C8A: variants seen among roughly 807,000 people sequenced by gnomAD.
C8A encodes complement component C8 alpha chain.
Under a neutral mutation model 65.3 loss-of-function variants are expected in C8A, and 67 were observed. That is an observed-to-expected ratio of 1.03 (90% CI 0.84 to 1.26). The LOEUF (loss-of-function observed/expected upper bound fraction) is 1.26. Ranked by LOEUF, C8A falls within the 50% of genes most tolerant of loss-of-function variation. The pLI, the probability that C8A is intolerant of heterozygous loss-of-function variation, is 0.00. For synonymous variants in C8A, 290 were observed against 259.4 expected (o/e 1.12, Z -1.13); for missense variants, 781 against 723.9 (o/e 1.08, Z -0.90).
At chr1:56,892,536 C>T (rs1004105365) in intron 7 of C8A, among the ~76,000 whole-genome samples, 1 of 152,066 alleles carries the variant, frequency 6.6e-6, no homozygotes, top group African/African-American at 2.4e-5. Flanking sequence ...CCCCTCTCTC[C>T]CCCTACATAT....
At chr1:56,902,511 A>G (rs1644434278) in intron 7 of C8A, among the ~76,000 whole-genome samples, 1 of 152,160 alleles carries the variant, frequency 6.6e-6, no homozygotes, top group South Asian at 2.1e-4. Context: ...TATGGTAAAA[A>G]TACTTTAACA....
intron 2 of C8A, among the ~76,000 whole-genome samples, chr1:56,871,886 G>A (rs1644149823): frequency 6.6e-6 from 1 of 152,114 alleles, no homozygotes; most frequent in Non-Finnish European, 1.5e-5. Context: ...ATAACATTAT[G>A]TGTTATTTGT....
rs139632544 is a variant in C8A at position 56,900,581 on chromosome 1, C to T, written c.1097-6086C>T. Among the ~76,000 whole-genome samples the T allele has an allele frequency of 2.4e-4, 36 of 152,184 alleles. No individual in the cohort carries two copies. The East Asian group carries it at 6.4e-3, about 27-fold the overall frequency. ...TGTAAGATGGGTAAATTCTCCTTGTCCCAGAATATTGTTCAGAGTCTCCAA... is the reference window on the plus strand; with the variant it reads ...TGTAAGATGGGTAAATTCTCCTTGTTCCAGAATATTGTTCAGAGTCTCCAA... On this transcript the variant is annotated intron_variant, in intron 7 of 10. Transcript: ENST00000361249.
chr1:56,905,096 A>G (rs1445004325), intron 7 of C8A, among the ~76,000 whole-genome samples: 4 of 152,190 alleles, frequency 2.6e-5, no homozygotes, highest in African/African-American at 7.2e-5. Context: ...ATCTTCCCCC[A>G]ATTAGTAATG....
intron 1 of C8A, among the ~76,000 whole-genome samples, 188 bp from the exon 2 acceptor site, chr1:56,867,421 A>G (rs1273548803): frequency 6.6e-6 from 1 of 152,214 alleles, no homozygotes; most frequent in Non-Finnish European, 1.5e-5. Flanking sequence ...GGGATAATTT[A>G]TATAAACCCT....
intron 7 of C8A, among the ~76,000 whole-genome samples, chr1:56,900,246 C>A (rs139663581): frequency 6.6e-6 from 1 of 152,312 alleles, no homozygotes; most frequent in Non-Finnish European, 1.5e-5. Context: ...TGAAATGGAG[C>A]ATCCATTGTG....
chr1:56,881,686 G>A, intron 5 of C8A, 52 bp downstream of exon 5: 1 of 1,515,430 alleles, frequency 6.6e-7, no homozygotes, highest in Non-Finnish European at 9.1e-7. Flanking sequence ...GTGGCAGAGA[G>A]GCAGAGGCCT....
intron 9 of C8A, among the ~76,000 whole-genome samples, chr1:56,911,094 T>C (rs1190254364): frequency 2.0e-5 from 3 of 147,058 alleles, no homozygotes; most frequent in Non-Finnish European, 4.5e-5. Flanking sequence ...TATTATCACA[T>C]ACAACTAACA....
At chr1:56,895,706 A>T (rs1472825035) in intron 7 of C8A, among the ~76,000 whole-genome samples, 1 of 152,190 alleles carries the variant, frequency 6.6e-6, no homozygotes, top group African/African-American at 2.4e-5. Context: ...TTGGAGGCCA[A>T]GTCTGGAGGA....
intron 2 of C8A, among the ~76,000 whole-genome samples, chr1:56,868,573 G>C (rs1330820274): frequency 6.6e-6 from 1 of 152,004 alleles, no homozygotes; most frequent in Non-Finnish European, 1.5e-5. Flanking sequence ...AGCTTAGATT[G>C]TGCCACTGCA....
At chr1:56,905,767 A>G (rs1215122648) in intron 7 of C8A, among the ~76,000 whole-genome samples, 4 of 152,328 alleles carry the variant, frequency 2.6e-5, no homozygotes, top group Admixed American at 2.6e-4. Flanking sequence ...ACAAACTCCC[A>G]TTTACAACTT....
intron 7 of C8A, among the ~76,000 whole-genome samples, chr1:56,890,894 C>A (rs1050056385): frequency 3.3e-5 from 5 of 152,098 alleles, no homozygotes; most frequent in African/African-American, 1.2e-4. Flanking sequence ...TCAGTAGCCC[C>A]CATACTCATA....
chr1:56,891,410 T>C (rs971433573), intron 7 of C8A, among the ~76,000 whole-genome samples: 6 of 152,128 alleles, frequency 3.9e-5, no homozygotes, highest in Admixed American at 3.3e-4. Context: ...GGACTGTATC[T>C]GTGGTGGCAG....
At chr1:56,915,486 C>A (rs1041408063) in intron 10 of C8A, among the ~76,000 whole-genome samples, 2 of 152,190 alleles carry the variant, frequency 1.3e-5, no homozygotes, top group Non-Finnish European at 1.5e-5. Flanking sequence ...GGGCCCAGGG[C>A]TTTCCTGACT....
intron 1 of C8A, among the ~76,000 whole-genome samples, chr1:56,855,636 GT>G (rs5774310): frequency 0.62 from 90,984 of 146,722 alleles, 28,335 homozygotes; most frequent in East Asian, 0.81. Flanking sequence ...TGCTTCATGG[GT>G]TTTTTTTTTT....
intron 7 of C8A, 143 bp downstream of exon 7, chr1:56,886,310 T>C (rs1285769554): frequency 4.1e-6 from 4 of 965,188 alleles, no homozygotes; most frequent in Non-Finnish European, 6.4e-6. Context: ...TAAGTATTAT[T>C]ACTCCCAAGG....
intron 7 of C8A, among the ~76,000 whole-genome samples, chr1:56,906,143 T>C (rs1644462463): frequency 1.3e-5 from 2 of 152,126 alleles, no homozygotes; most frequent in Non-Finnish European, 2.9e-5. Context: ...AAGATGATCA[T>C]TCAGGCACAG....
intron 5 of C8A, 49 bp from the exon 6 acceptor site, chr1:56,883,432 G>C: frequency 6.8e-7 from 1 of 1,477,288 alleles, no homozygotes; most frequent in Non-Finnish European, 9.4e-7. Context: ...TATGAATTGA[G>C]AAATGGCTCT....
intron 6 of C8A, among the ~76,000 whole-genome samples, chr1:56,885,173 G>C (rs2101242192): frequency 6.6e-6 from 1 of 151,292 alleles, no homozygotes; most frequent in Non-Finnish European, 1.5e-5. Flanking sequence ...AGATGGAGGT[G>C]TGGGGGAAGT....
Sources: allele counts gnomAD v4.1 joint callset (sites outside exome capture counted in the v4.1 genomes callset), GRCh38; gene constraint gnomAD v4.1.1; transcripts MANE v1.5; gene names NCBI Gene and HGNC (gene_info 2026-07-23, HGNC 2026-07-21).